The following PCDH7 variants were observed in gnomAD, a reference collection of about 807,000 sequenced individuals.
The protein encoded by PCDH7 is protocadherin 7.
Under a neutral mutation model 58.9 loss-of-function variants are expected in PCDH7, and 17 were observed. The observed-to-expected ratio is 0.29, with a 90% CI of 0.20 to 0.43. The LOEUF (loss-of-function observed/expected upper bound fraction) is 0.43, where lower values mean the gene tolerates loss of function less well. Ranked by LOEUF, PCDH7 falls within the 20% of genes least tolerant of loss-of-function variation. The pLI, the probability that PCDH7 is intolerant of heterozygous loss-of-function variation, is 1.00. For synonymous variants in PCDH7, 664 were observed against 616.4 expected (o/e 1.08, Z -1.14); for missense variants, 1,274 against 1,441.0 (o/e 0.88, Z 1.88).
chr4:30,765,125 C>CTTTTTTTTT lies in PCDH7; in HGVS notation c.70+40547_70+40555dup, dbSNP rs10692198. Among the ~76,000 whole-genome samples the CTTTTTTTTT allele has an allele frequency of 1.6e-3, 77 of 49,214 alleles. 20 individuals are homozygous for CTTTTTTTTT. Among genetic ancestry groups the CTTTTTTTTT allele is most frequent in the East Asian group, 4.1e-3 (5 of 1,210 alleles). The allele number at this position is 49,214 out of a possible 152,430, so 32.3% of individuals were successfully genotyped here. On this transcript the variant is annotated intron_variant, in intron 1 of 3. Transcript: ENST00000509759. ...GGAAAGAGAGATAGGACTTCAGATG[C>CTTTTTTTTT]TTTTTTTTTTTTTTTTTTTTTTTTT... is the stretch of plus-strand genomic sequence containing the variant.
intron 1 of PCDH7, among the ~76,000 whole-genome samples, chr4:30,771,956 C>T (rs531560782): frequency 6.6e-6 from 1 of 151,274 alleles, no homozygotes; most frequent in South Asian, 2.1e-4. Context: ...TTGGAACCTT[C>T]GCCTCCAGGG....
In PCDH7 at chr4:30,721,453, C is replaced by T. The variant is rs764724803; in HGVS notation, c.31C>T (p.Arg11Cys). ...GAGGATGCGGACCGCGGGATGGGCG[C>T]GCGGCTGGTGCTTGGGCTGCTGCCT... The change falls in exon 1 of 2, where the codon CGC (arginine) becomes TGC (cysteine). Residue 11 changes from arginine (R) to cysteine (C), a missense_variant. Arg to Cys is a radical substitution (Grantham distance 180, BLOSUM62 -3). This residue lies in a region of PCDH7 where 212 missense variants were observed against 255.8 expected (regional missense o/e 0.83). Transcript: ENST00000361762. This position sits in a 1 kb window ranked among gnomAD's most constrained non-coding sequence, Gnocchi z 6.7. 2.6e-6 allele frequency: 4 copies of T among 1,545,158 alleles called. No homozygotes were observed. Among genetic ancestry groups the T allele is most frequent in the Middle Eastern group, 1.7e-4 (1 of 5,804 alleles).
chr4:30,964,717 C>T (rs143913812), intron 3 of PCDH7, among the ~76,000 whole-genome samples: 132 of 151,634 alleles, frequency 8.7e-4, no homozygotes, highest in Admixed American at 2.1e-3. Context: ...AGTACTGGCA[C>T]GTAATAGATG....
At chr4:30,875,657 C>A (rs1736194569) in intron 1 of PCDH7, among the ~76,000 whole-genome samples, 1 of 152,088 alleles carries the variant, frequency 6.6e-6, no homozygotes, top group African/African-American at 2.4e-5. Context: ...AGCTTCTCAG[C>A]CCTGGACTCA....
At chr4:30,975,657 A>G (rs1750003959) in intron 3 of PCDH7, among the ~76,000 whole-genome samples, 1 of 152,140 alleles carries the variant, frequency 6.6e-6, no homozygotes, top group Admixed American at 6.5e-5. Context: ...GCCCTTGACC[A>G]TATTCTATAC....
At chr4:30,855,598 C>G (rs1406638380) in intron 1 of PCDH7, among the ~76,000 whole-genome samples, 2 of 152,146 alleles carry the variant, frequency 1.3e-5, no homozygotes, top group Non-Finnish European at 1.5e-5. Context: ...TGGCATCAAA[C>G]AGGGTCGTAT....
chr4:30,756,197 AATTCATTCCCTTGGGAACC>A (rs1719282957), intron 1 of PCDH7, among the ~76,000 whole-genome samples: 1 of 152,126 alleles, frequency 6.6e-6, no homozygotes, highest in South Asian at 2.1e-4. Flanking sequence ...AGATGGAATT[AATTCATTCCCTTGGGAACC>A]AGTCTGGTTT....
At chr4:30,736,549 T>TG (rs1335823546), downstream of PCDH7, among the ~76,000 whole-genome samples, 9 of 150,154 alleles carry the variant, frequency 6.0e-5, no homozygotes, top group African/African-American at 2.0e-4. Context: ...TTTTTTTTTT[T>TG]TTTTGAGACG....
chr4:30,946,850 C>A (rs1362417024), intron 2 of PCDH7, among the ~76,000 whole-genome samples: 3 of 151,910 alleles, frequency 2.0e-5, no homozygotes, highest in African/African-American at 7.3e-5. Context: ...GCTGGGATTA[C>A]AGGCGCCCAC....
intron 1 of PCDH7, among the ~76,000 whole-genome samples, chr4:30,914,964 C>A (rs1280653243): frequency 1.3e-5 from 2 of 152,072 alleles, no homozygotes; most frequent in Non-Finnish European, 2.9e-5. Context: ...CACACACATA[C>A]CCCATTAATA....
intron 1 of PCDH7, among the ~76,000 whole-genome samples, chr4:30,907,420 C>G (rs1741101726): frequency 6.6e-6 from 1 of 152,056 alleles, no homozygotes; most frequent in Non-Finnish European, 1.5e-5. Flanking sequence ...AAAAAACAAC[C>G]CCATCAAAAA....
At chr4:30,777,896 A>T (rs1722282315) in intron 1 of PCDH7, among the ~76,000 whole-genome samples, 1 of 152,120 alleles carries the variant, frequency 6.6e-6, no homozygotes, top group Non-Finnish European at 1.5e-5. Flanking sequence ...CTGCTTGTAC[A>T]TTTTACTAAA....
Position 31,104,755 on chromosome 4 carries a change from G to T in PCDH7, c.*8-37718G>T, listed in dbSNP as rs138158917. Among the ~76,000 whole-genome samples the T allele has an allele frequency of 3.0e-3, 457 of 152,296 alleles. 13 individuals are homozygous for T. Among genetic ancestry groups the T allele is most frequent in the Admixed American group, 0.028 (429 of 15,300 alleles). On this transcript the variant is annotated intron_variant, in intron 3 of 3. Coordinates refer to the PCDH7 transcript ENST00000509759. ...TTACAGGCAGAGACACACATTAGGA[G>T]CTGCCAGAATTGTGTTTGTTGTGGC...
At chr4:30,934,420 T>C (rs939859399) in intron 2 of PCDH7, among the ~76,000 whole-genome samples, 1 of 152,136 alleles carries the variant, frequency 6.6e-6, no homozygotes, top group Non-Finnish European at 1.5e-5. Context: ...TTTTTGAAAA[T>C]AGCAGAGAAA....
At chr4:30,725,364 T>C in intron 1 of PCDH7, 1 of 809,524 alleles carries the variant, frequency 1.2e-6, no homozygotes, top group Non-Finnish European at 1.5e-6. Context: ...AAAATATTCA[T>C]GATTGATGTA....
rs151119283 is a variant in PCDH7, at chr4:30,998,529, A to G, written c.*7+48314A>G. 3.3e-5 allele frequency among the ~76,000 whole-genome samples: 5 copies of G among 152,268 alleles called. No homozygotes were observed. In the East Asian group the frequency reaches 9.7e-4, roughly 29 times the overall value. On this transcript the variant is annotated intron_variant, in intron 3 of 3. Coordinates refer to the PCDH7 transcript ENST00000509759. ...GTTTTTCTCAAAATCTGGTTCTCAGATCAGAAGAATTGACATCACCTGGCC... is the reference window on the plus strand; with the variant it reads ...GTTTTTCTCAAAATCTGGTTCTCAGGTCAGAAGAATTGACATCACCTGGCC...
chr4:30,874,255 T>C (rs1735991458), intron 1 of PCDH7, among the ~76,000 whole-genome samples: 1 of 152,012 alleles, frequency 6.6e-6, no homozygotes, highest in Non-Finnish European at 1.5e-5. Context: ...CGTATGTTTA[T>C]TGCGGCACTA....
intron 2 of PCDH7, among the ~76,000 whole-genome samples, chr4:30,928,079 G>T (rs910858182): frequency 2.0e-5 from 3 of 152,064 alleles, no homozygotes; most frequent in Non-Finnish European, 2.9e-5. Flanking sequence ...GGGCTCAAGC[G>T]ATTCTCTCAC....
At chr4:31,008,004 G>A (rs964258803) in intron 3 of PCDH7, among the ~76,000 whole-genome samples, 1 of 152,060 alleles carries the variant, frequency 6.6e-6, no homozygotes, top group African/African-American at 2.4e-5. Flanking sequence ...CATGGGGTAG[G>A]AGTTGCAAGA....
Sources: allele counts gnomAD v4.1 joint callset (sites outside exome capture counted in the v4.1 genomes callset), GRCh38; gene constraint gnomAD v4.1.1; regional missense constraint gnomAD v4.1.1; non-coding constraint Gnocchi (gnomAD v3.1); transcripts MANE v1.5; gene names NCBI Gene and HGNC (gene_info 2026-07-23, HGNC 2026-07-21).